Variants in CENPE observed in about 807,000 individuals in gnomAD.
The protein encoded by CENPE is centromere protein E.
CENPE carries 145 observed loss-of-function variants against 336.1 expected under a neutral mutation model. The observed-to-expected ratio is 0.43, with a 90% CI of 0.38 to 0.50. CENPE has a LOEUF of 0.50. CENPE is among the 20% of genes least tolerant of loss of function. CENPE has a pLI of 0.00. For synonymous variants in CENPE, 1,013 were observed against 984.8 expected (o/e 1.03, Z -0.54); for missense variants, 2,719 against 3,023.3 (o/e 0.90, Z 2.36).
intron 10 of CENPE, 39 bp downstream of exon 10, chr4:103,183,162 T>C (rs371259887): frequency 3.1e-5 from 45 of 1,444,342 alleles, no homozygotes; most frequent in Non-Finnish European, 4.2e-5. Flanking sequence ...ATGAAAAATA[T>C]AAGAATCAGT....
chr4:103,115,908 T>A (rs1224599534), intron 45 of CENPE, among the ~76,000 whole-genome samples: 1 of 151,988 alleles, frequency 6.6e-6, no homozygotes, highest in African/African-American at 2.4e-5. Context: ...TTTTTTGGTA[T>A]TTTTAGTAGA....
At chr4:103,122,792 A>G (rs753738329) in intron 43 of CENPE, 79 bp downstream of exon 43, 2 of 1,034,730 alleles carry the variant, frequency 1.9e-6, no homozygotes, top group Non-Finnish European at 3.0e-6. Context: ...ATGTTCAGTA[A>G]TAAGTAAATA....
Position 103,145,989 on chromosome 4 carries a change from C to A in CENPE, c.4253G>T (p.Arg1418Met). ...CAATCCGAGCATTTCTATTTCTATC[C>A]TTAGTAGTGCTGAATCTTTGGGTTT... ...QFKPKDSALLRIEIEMLGLSK... is the reference protein window; with the variant it reads ...QFKPKDSALLMIEIEMLGLSK... Residue 1418 changes from arginine (R) to methionine (M), a missense_variant, in exon 30 of 49, where the codon AGG (arginine) becomes ATG (methionine). Coordinates refer to ENST00000265148, the MANE Select transcript of CENPE (RefSeq NM_001813.3). 4 of 1,613,900 alleles carry A rather than the reference C, an allele frequency of 2.5e-6. No individual in the cohort carries two copies. The highest frequency in any genetic ancestry group is 2.5e-6 in the Non-Finnish European group (3 of 1,179,934).
At position 103,174,844 on chromosome 4, in the gene CENPE, G is replaced by C; in HGVS notation, c.1539C>G (p.Asp513Glu). ...LRADYDNLVL[D>E]YEQLRTEKEE... Reference sequence around the variant, plus strand: ...CTTTTTCTGTTCGTAGTTGTTCATAGTCTAATACCAGATTATCATAGTCAG... The same window carrying C: ...CTTTTTCTGTTCGTAGTTGTTCATACTCTAATACCAGATTATCATAGTCAG... The change falls in exon 16 of 49, where the codon GAC (aspartate) becomes GAG (glutamate). Residue 513 changes from aspartate (D) to glutamate (E), a missense_variant. Coordinates refer to ENST00000265148, the MANE Select transcript of CENPE (RefSeq NM_001813.3). 6.5e-7 allele frequency: 1 copy of C among 1,533,504 alleles called. No homozygotes were observed. The highest frequency in any genetic ancestry group is 8.8e-7 in the Non-Finnish European group (1 of 1,140,622). The allele number at this position is 1,533,504 out of a possible 1,614,324, so 95.0% of individuals were successfully genotyped here.
At chr4:103,182,965 A>C in intron 10 of CENPE, 74 bp from the exon 11 acceptor site, 1 of 1,432,926 alleles carries the variant, frequency 7.0e-7, no homozygotes, top group South Asian at 1.3e-5. Context: ...TTTTTAATGC[A>C]GAACTCTTAA....
rs527906280 is a variant in CENPE, at chr4:103,133,912, C to T, written c.6523-20G>A. 1.6e-5 allele frequency: 24 copies of T among 1,497,136 alleles called. No individual in the cohort carries two copies. The highest frequency in any genetic ancestry group is 3.8e-5 in the Admixed American group (2 of 52,882). 92.7% of individuals were successfully genotyped at this position (1,497,136 alleles called of 1,614,324 possible). A position where few individuals can be genotyped will look rare whatever the true frequency, so the allele number is the denominator to read the frequency against. ...CACATACTTGCAGAAAAAAATTAAA[C>T]AAATTGGTAAATGAAAATTTTGTCA... On this transcript the variant is annotated intron_variant, in intron 40 of 48. Transcript: ENST00000265148.
chr4:103,177,565 C>T (rs1446868369), intron 13 of CENPE, among the ~76,000 whole-genome samples: 2 of 151,830 alleles, frequency 1.3e-5, no homozygotes, highest in African/African-American at 2.4e-5. Context: ...ATACTTGTAT[C>T]GAGTATCAAC....
intron 8 of CENPE, among the ~76,000 whole-genome samples, chr4:103,190,307 G>A (rs1757184222): frequency 6.6e-6 from 1 of 152,116 alleles, no homozygotes; most frequent in South Asian, 2.1e-4. Context: ...AGGTTCATAT[G>A]GAACCAAAAA....
chr4:103,147,504 T>C lies in CENPE; in HGVS notation c.3986A>G (p.Glu1329Gly). ...DSTTLARIEM[E>G]RLRLNEKFQE... ...AAATTTTTCATTCAACCTGAGCCTT[T>C]CCATTTCTATTCTTGCCAGTGTTGT... The change falls in exon 29 of 49, where the codon GAA becomes GGA. Residue 1329 changes from glutamate to glycine, a missense_variant. By Grantham distance (98) the Glu-to-Gly change is moderately conservative (BLOSUM62 -2). Around this residue, in one of 5 missense-constraint regions of CENPE, gnomAD observed 2,437 missense variants for 2,513.3 expected, o/e 0.97. Coordinates refer to ENST00000265148, the MANE Select transcript of CENPE (RefSeq NM_001813.3). 2.5e-6 allele frequency: 4 copies of C among 1,614,106 alleles called. No homozygotes were observed. Among genetic ancestry groups the C allele is most frequent in the Non-Finnish European group, 3.4e-6 (4 of 1,180,018 alleles).
rs553104229 is a variant in CENPE at position 103,163,424 on chromosome 4, G to C, written c.1722+55C>G. The C allele has an allele frequency of 1.4e-5, 18 of 1,328,648 alleles. No individual in the cohort carries two copies. The African/African-American group carries it at 2.0e-4, about 15-fold the overall frequency. The allele number at this position is 1,328,648 out of a possible 1,614,324, so 82.3% of individuals were successfully genotyped here. On this transcript the variant is annotated intron_variant, in intron 17 of 48. Coordinates refer to ENST00000265148, the MANE Select transcript of CENPE (RefSeq NM_001813.3). The stretch of plus-strand genomic sequence containing the variant: ...GACATCATGTTCAGTTACATATGTT[G>C]CATGTTTTATAGTTCTAATTGCTTA...
chr4:103,191,769 A>G (rs1199014804), intron 8 of CENPE, among the ~76,000 whole-genome samples: 1 of 152,186 alleles, frequency 6.6e-6, no homozygotes, highest in African/African-American at 2.4e-5. Flanking sequence ...TGTTGTGCAC[A>G]TGTACCCTAA....
chr4:103,183,357 T>C, intron 9 of CENPE, 69 bp from the exon 10 acceptor site: 1 of 1,243,010 alleles, frequency 8.0e-7, no homozygotes, highest in Middle Eastern at 2.2e-4. Context: ...TATTTATCAC[T>C]AAGTTAATGA....
At chr4:103,157,616 T>C (rs1283000149) in intron 24 of CENPE, among the ~76,000 whole-genome samples, 2 of 151,958 alleles carry the variant, frequency 1.3e-5, no homozygotes, top group East Asian at 1.9e-4. Flanking sequence ...ATGGGTATAG[T>C]TTTGGTTTTG....
chr4:103,112,499 T>A (rs1343001975), intron 46 of CENPE, among the ~76,000 whole-genome samples: 2 of 144,750 alleles, frequency 1.4e-5, no homozygotes, highest in Non-Finnish European at 3.0e-5. Context: ...TATACTTATG[T>A]ATACATGTAT....
chr4:103,194,767 A>C, intron 5 of CENPE, 83 bp from the exon 6 acceptor site: 2 of 1,007,738 alleles, frequency 2.0e-6, no homozygotes, highest in Non-Finnish European at 2.9e-6. Flanking sequence ...ACTATTATAG[A>C]ATTCATTTGT....
chr4:103,128,239 T>G (rs1410879385), intron 42 of CENPE, among the ~76,000 whole-genome samples: 1 of 152,286 alleles, frequency 6.6e-6, no homozygotes, highest in Non-Finnish European at 1.5e-5. Flanking sequence ...TTATTTTGCA[T>G]GCACCTAACA....
chr4:103,177,936 C>T (rs1364058212), intron 13 of CENPE, among the ~76,000 whole-genome samples: 10 of 151,972 alleles, frequency 6.6e-5, no homozygotes, highest in Non-Finnish European at 1.0e-4. Context: ...AGACCTCTTG[C>T]TCTCATTGCC....
intron 28 of CENPE, among the ~76,000 whole-genome samples, chr4:103,148,126 C>G (rs375012633): frequency 1.3e-5 from 2 of 152,212 alleles, no homozygotes; most frequent in Admixed American, 6.5e-5. Flanking sequence ...CCTGCTAAAG[C>G]TATTCATGAC....
intron 42 of CENPE, among the ~76,000 whole-genome samples, chr4:103,124,023 T>C (rs968893943): frequency 2.0e-5 from 3 of 152,220 alleles, no homozygotes; most frequent in African/African-American, 7.2e-5. Flanking sequence ...CTATAGTATA[T>C]TGTTAAAATT....
Sources: allele counts gnomAD v4.1 joint callset (sites outside exome capture counted in the v4.1 genomes callset), GRCh38; gene constraint gnomAD v4.1.1; regional missense constraint gnomAD v4.1.1; transcripts MANE v1.5; gene names NCBI Gene and HGNC (gene_info 2026-07-23, HGNC 2026-07-21).